The following IL19 variants were observed in gnomAD, a reference collection of about 807,000 sequenced individuals.
IL19 encodes the protein interleukin-19.
A neutral mutation model predicts 19.5 loss-of-function variants in IL19; 15 were observed. That is an observed-to-expected ratio of 0.77 (90% confidence interval 0.52 to 1.19). IL19 has a LOEUF of 1.19. Among genes scored for constraint, IL19 ranks in the 50% most tolerant of loss-of-function variants. IL19 has a pLI of 0.00. For synonymous variants in IL19, 78 were observed against 78.3 expected (o/e 1.00, Z 0.02); for missense variants, 199 against 213.1 (o/e 0.93, Z 0.41).
rs2102492864 is a variant in IL19 at position 206,841,063 on chromosome 1, T to C, written c.423T>C (p.His141=). ...CCACCAATGCCACCAGAGTCATCCA[T>C]GACAACTATGATCAGGTAAGATCTG... ...QEATNATRVI[H]DNYDQLEVHA... The change falls in exon 6 of 7, where the codon CAT becomes CAC. Residue 141 remains histidine (H), a synonymous_variant. Transcript: ENST00000659997. The C allele has an allele frequency of 1.2e-6, 2 of 1,613,874 alleles. No homozygotes were observed. The highest frequency in any genetic ancestry group is 1.7e-6 in the Non-Finnish European group (2 of 1,179,750).
At chr1:206,799,500 C>T (rs1163255668) in intron 2 of IL19, among the ~76,000 whole-genome samples, 3 of 152,204 alleles carry the variant, frequency 2.0e-5, no homozygotes, top group Non-Finnish European at 2.9e-5. Flanking sequence ...CTCAGCTTCT[C>T]GCTCTCTGAG....
chr1:206,821,267 G>A (rs1676283890), intron 2 of IL19, among the ~76,000 whole-genome samples: 1 of 152,182 alleles, frequency 6.6e-6, no homozygotes, highest in Admixed American at 6.5e-5. Context: ...TACCAGATTA[G>A]CAACAGGACC....
intron 2 of IL19, among the ~76,000 whole-genome samples, chr1:206,821,953 C>T (rs754034480): frequency 1.3e-5 from 2 of 152,188 alleles, no homozygotes; most frequent in Non-Finnish European, 2.9e-5. Context: ...TGTTCTTGCC[C>T]TGCCTTTCTG....
intron 2 of IL19, among the ~76,000 whole-genome samples, chr1:206,801,824 GAC>G (rs1373544827): frequency 2.0e-5 from 3 of 152,224 alleles, no homozygotes; most frequent in Non-Finnish European, 4.4e-5. Flanking sequence ...AACAGTGCCT[GAC>G]ACATCACAGA....
intron 6 of IL19, among the ~76,000 whole-genome samples, chr1:206,842,153 G>A (rs1677037525): frequency 1.3e-5 from 2 of 152,154 alleles, no homozygotes; most frequent in African/African-American, 4.8e-5. Flanking sequence ...GCACCTCAGG[G>A]ACAAAGATGT....
intron 4 of IL19, among the ~76,000 whole-genome samples, chr1:206,837,577 A>C (rs1053848732): frequency 7.2e-5 from 11 of 152,138 alleles, no homozygotes; most frequent in African/African-American, 2.7e-4. Context: ...GGCTGGGTGC[A>C]GTGGCTTATG....
chr1:206,823,021 C>G (rs1389100268), intron 2 of IL19, among the ~76,000 whole-genome samples: 1 of 150,418 alleles, frequency 6.6e-6, no homozygotes. Context: ...CCTCCACCTC[C>G]TAGGTTCCAG....
At chr1:206,834,161 A>G (rs1676705944) in intron 2 of IL19, 14 of 985,442 alleles carry the variant, frequency 1.4e-5, no homozygotes, top group African/African-American at 1.7e-5. Context: ...AAGACCCAGA[A>G]GAAAGAGGCA....
At chr1:206,791,010 A>C (rs1031638787) in intron 1 of IL19, among the ~76,000 whole-genome samples, 3 of 152,202 alleles carry the variant, frequency 2.0e-5, no homozygotes, top group Non-Finnish European at 1.5e-5. Flanking sequence ...TGTGTGTGTA[A>C]GGCATTTCTA....
intron 1 of IL19, among the ~76,000 whole-genome samples, chr1:206,781,289 C>T (rs1341155853): frequency 1.3e-5 from 2 of 151,296 alleles, no homozygotes; most frequent in Non-Finnish European, 2.9e-5. Context: ...ACTAAAAATA[C>T]AAAAATTAGC....
chr1:206,801,349 C>T (rs1012457974), intron 2 of IL19, among the ~76,000 whole-genome samples: 1 of 152,186 alleles, frequency 6.6e-6, no homozygotes, highest in Non-Finnish European at 1.5e-5. Flanking sequence ...CCACTGTCCT[C>T]ATGTGCCTGG....
chr1:206,826,594 C>T (rs1374188472), intron 2 of IL19, among the ~76,000 whole-genome samples: 4 of 152,210 alleles, frequency 2.6e-5, no homozygotes, highest in Non-Finnish European at 4.4e-5. Flanking sequence ...CCACCCTCTC[C>T]TCCTCCCAGG....
intron 2 of IL19, among the ~76,000 whole-genome samples, chr1:206,819,489 CAGA>C (rs1032186745): frequency 6.6e-6 from 1 of 151,234 alleles, no homozygotes; most frequent in African/African-American, 2.4e-5. Context: ...GAGGCTGAGG[CAGA>C]AGAATCCCTT....
At chr1:206,829,876 A>G (rs1341233878) in intron 2 of IL19, among the ~76,000 whole-genome samples, 1 of 152,214 alleles carries the variant, frequency 6.6e-6, no homozygotes, top group African/African-American at 2.4e-5. Flanking sequence ...CCCTGTGGGC[A>G]AAAAAGGAGG....
At chr1:206,813,979 G>A (rs1303482573) in intron 2 of IL19, among the ~76,000 whole-genome samples, 2 of 152,102 alleles carry the variant, frequency 1.3e-5, no homozygotes, top group East Asian at 1.9e-4. Flanking sequence ...TGCCCTACAG[G>A]TTTCAGGCTT....
intron 1 of IL19, among the ~76,000 whole-genome samples, chr1:206,775,568 A>G (rs1255132405): frequency 6.6e-6 from 1 of 152,224 alleles, no homozygotes; most frequent in South Asian, 2.1e-4. Context: ...TATGTCTCAT[A>G]GTATTTCTGT....
Position 206,842,668 on chromosome 1 carries a change from C to A in IL19, c.*46C>A, listed in dbSNP as rs1281020517. On this transcript the variant is annotated 3_prime_UTR_variant, in exon 7 of 7. Coordinates refer to ENST00000659997, the MANE Select transcript of IL19 (RefSeq NM_153758.5). ...GATCCAGGGATGAACACCCCCTGTG[C>A]GGTTTACTGTGGGAGACAGCCCACC... 8.2e-7 allele frequency: 1 copy of A among 1,212,916 alleles called. No homozygotes were observed. The highest frequency in any genetic ancestry group is 1.2e-6 in the Non-Finnish European group (1 of 841,616). 75.1% of individuals were successfully genotyped at this position (1,212,916 alleles called of 1,614,324 possible). A position where few individuals can be genotyped will look rare whatever the true frequency, so the allele number is the denominator to read the frequency against.
chr1:206,793,602 G>A (rs964217127), intron 1 of IL19, among the ~76,000 whole-genome samples: 1 of 152,198 alleles, frequency 6.6e-6, no homozygotes, highest in African/African-American at 2.4e-5. Flanking sequence ...AGGCTGGTTG[G>A]GAGGCTGAAC....
At chr1:206,828,201 A>T (rs1219314347) in intron 2 of IL19, among the ~76,000 whole-genome samples, 1 of 152,290 alleles carries the variant, frequency 6.6e-6, no homozygotes, top group East Asian at 1.9e-4. Context: ...TCTCCCACCA[A>T]GCCTGCAGAA....
Sources: allele counts gnomAD v4.1 joint callset (sites outside exome capture counted in the v4.1 genomes callset), GRCh38; gene constraint gnomAD v4.1.1; transcripts MANE v1.5; gene names NCBI Gene and HGNC (gene_info 2026-07-23, HGNC 2026-07-21).